KDM4C: variants seen among roughly 807,000 people sequenced by gnomAD.
KDM4C encodes lysine-specific demethylase 4C.
A neutral mutation model predicts 129.3 loss-of-function variants in KDM4C; 81 were observed. That is an observed-to-expected ratio of 0.63 (90% confidence interval 0.52 to 0.75). The LOEUF is 0.75. Ranked by LOEUF, KDM4C falls within the 30% of genes least tolerant of loss-of-function variation. The probability of loss-of-function intolerance (pLI) is 0.00; values close to 1 mark genes in which losing one functional copy is unlikely to be tolerated. For synonymous variants in KDM4C, 573 were observed against 456.1 expected (o/e 1.26, Z -3.26); for missense variants, 1,457 against 1,304.0 (o/e 1.12, Z -1.81).
intron 8 of KDM4C, among the ~76,000 whole-genome samples, chr9:6,899,949 A>G (rs550911085): frequency 1.4e-4 from 22 of 152,244 alleles, no homozygotes; most frequent in African/African-American, 4.8e-4. Flanking sequence ...ACCTTAAAAG[A>G]AAGTAAATTT....
At chr9:6,996,137 C>G (rs1554687370) in intron 12 of KDM4C, among the ~76,000 whole-genome samples, 1 of 152,234 alleles carries the variant, frequency 6.6e-6, no homozygotes. Context: ...TTTGGTATCT[C>G]TGTTTGTTGC....
chr9:6,859,300 A>T (rs912412961), intron 5 of KDM4C, among the ~76,000 whole-genome samples: 2 of 151,706 alleles, frequency 1.3e-5, no homozygotes, highest in African/African-American at 4.8e-5. Flanking sequence ...ACGTGGTGAA[A>T]CCCTGTCTCT....
At chr9:6,972,070 C>T (rs935970717) in intron 8 of KDM4C, among the ~76,000 whole-genome samples, 3 of 152,040 alleles carry the variant, frequency 2.0e-5, no homozygotes, top group Non-Finnish European at 4.4e-5. Context: ...AATATGATTA[C>T]ACGTGGCAAG....
intron 18 of KDM4C, among the ~76,000 whole-genome samples, chr9:7,115,817 T>A (rs1838835193): frequency 6.6e-6 from 1 of 152,252 alleles, no homozygotes; most frequent in Non-Finnish European, 1.5e-5. Flanking sequence ...GAGGAATGCC[T>A]TATCTTCTTT....
chr9:6,832,451 A>T lies in KDM4C; in HGVS notation c.436-17056A>T, dbSNP rs1312996404. 7.8e-5 allele frequency among the ~76,000 whole-genome samples: 9 copies of T among 115,174 alleles called. No homozygotes were observed. The South Asian group carries it at 2.7e-3, about 34-fold the overall frequency. 75.6% of individuals were successfully genotyped at this position (115,174 alleles called of 152,430 possible). On this transcript the variant is annotated intron_variant, in intron 4 of 21. Transcript: ENST00000381309. ...TTCTTTTTTTTTTTTTTTGAGGTGG[A>T]GTCTCGCTCTGTCACCCAGGCTGGA...
chr9:7,133,719 G>A (rs1482929486), intron 19 of KDM4C, among the ~76,000 whole-genome samples: 11 of 152,188 alleles, frequency 7.2e-5, no homozygotes, highest in African/African-American at 2.4e-4. Flanking sequence ...AGGACATGGT[G>A]TAAAACCCGT....
chr9:7,076,842 A>C, intron 17 of KDM4C: 1 of 1,005,776 alleles, frequency 9.9e-7, no homozygotes, highest in Non-Finnish European at 1.2e-6. Context: ...ATTGGAATCA[A>C]AAGCTTTCCA....
intron 19 of KDM4C, among the ~76,000 whole-genome samples, chr9:7,129,547 T>C (rs77979725): frequency 6.6e-6 from 1 of 152,234 alleles, no homozygotes; most frequent in East Asian, 1.9e-4. Flanking sequence ...AAGCACTCAA[T>C]CTGCATTCAC....
At chr9:7,069,793 G>A (rs753188759) in intron 17 of KDM4C, among the ~76,000 whole-genome samples, 5 of 152,178 alleles carry the variant, frequency 3.3e-5, no homozygotes, top group Non-Finnish European at 5.9e-5. Context: ...TAGTAGTAAT[G>A]TATTGTGGTT....
At chr9:6,796,368 C>G (rs1027988692) in intron 2 of KDM4C, among the ~76,000 whole-genome samples, 1 of 152,160 alleles carries the variant, frequency 6.6e-6, no homozygotes, top group Non-Finnish European at 1.5e-5. Context: ...TCACTTGAAC[C>G]CGGGAGGTGG....
At chr9:7,115,107 A>G (rs969066637) in intron 18 of KDM4C, among the ~76,000 whole-genome samples, 2 of 152,158 alleles carry the variant, frequency 1.3e-5, no homozygotes, top group Non-Finnish European at 2.9e-5. Context: ...CAAACAGACA[A>G]AAAGAAATAA....
intron 3 of KDM4C, among the ~76,000 whole-genome samples, chr9:6,807,034 G>A (rs1056596073): frequency 6.6e-6 from 1 of 152,088 alleles, no homozygotes; most frequent in Non-Finnish European, 1.5e-5. Context: ...GAATGCCTGC[G>A]ATTGCAGGCA....
chr9:6,995,832 C>T (rs369819904), intron 12 of KDM4C, among the ~76,000 whole-genome samples: 14 of 152,052 alleles, frequency 9.2e-5, no homozygotes, highest in East Asian at 3.9e-4. Context: ...CCACCACGCC[C>T]GGCTAATTTT....
chr9:7,144,489 T>G (rs1842042718), intron 19 of KDM4C, among the ~76,000 whole-genome samples: 1 of 152,222 alleles, frequency 6.6e-6, no homozygotes, highest in African/African-American at 2.4e-5. Context: ...GCAAGTCATT[T>G]CATTATTCAG....
chr9:6,823,912 C>T (rs890594141), intron 4 of KDM4C, among the ~76,000 whole-genome samples: 1 of 152,196 alleles, frequency 6.6e-6, no homozygotes, highest in Middle Eastern at 3.2e-3. Context: ...TCGGGTTTTT[C>T]TACTTTTTCA....
intron 2 of KDM4C, among the ~76,000 whole-genome samples, chr9:6,800,529 T>C (rs921038329): frequency 1.1e-4 from 17 of 152,064 alleles, no homozygotes; most frequent in African/African-American, 3.6e-4. Flanking sequence ...ACAGAGTCCC[T>C]GTCTCAAAAA....
chr9:6,988,795 C>G (rs1418034542), intron 11 of KDM4C, among the ~76,000 whole-genome samples: 1 of 151,958 alleles, frequency 6.6e-6, no homozygotes, highest in East Asian at 1.9e-4. Context: ...GCTCCTCCCC[C>G]AGATAATCAT....
intron 1 of KDM4C, among the ~76,000 whole-genome samples, chr9:6,746,504 G>A (rs1817880103): frequency 6.8e-6 from 1 of 147,088 alleles, no homozygotes; most frequent in Admixed American, 6.8e-5. Context: ...CCTGACCTCA[G>A]GTGATCCGCC....
intron 17 of KDM4C, among the ~76,000 whole-genome samples, chr9:7,071,537 A>G (rs1833194010): frequency 6.6e-6 from 1 of 152,186 alleles, no homozygotes; most frequent in Non-Finnish European, 1.5e-5. Context: ...TTAGTTTGTT[A>G]TTTAAGTGAT....
Sources: allele counts gnomAD v4.1 joint callset (sites outside exome capture counted in the v4.1 genomes callset), GRCh38; gene constraint gnomAD v4.1.1; transcripts MANE v1.5; gene names NCBI Gene and HGNC (gene_info 2026-07-23, HGNC 2026-07-21).